XXYLT1: variants seen among roughly 807,000 people sequenced by gnomAD.
XXYLT1 encodes xyloside xylosyltransferase 1, also known as UDP-xylose:alpha-xyloside alpha-1,3-xylosyltransferase.
In XXYLT1, 20 loss-of-function variants were observed where a neutral mutation model predicts 28.9. The ratio of observed to expected loss-of-function variants is 0.69; its 90% CI spans 0.49 to 1.00. The LOEUF is 1.00. Ranked by LOEUF, XXYLT1 falls within the 50% of genes least tolerant of loss-of-function variation. The pLI, the probability that XXYLT1 is intolerant of heterozygous loss-of-function variation, is 0.00. For synonymous variants in XXYLT1, 257 were observed against 253.8 expected (o/e 1.01, Z -0.12); for missense variants, 542 against 560.1 (o/e 0.97, Z 0.33).
Position 195,180,464 on chromosome 3 carries a change from A to G in XXYLT1, c.653-23883T>C. 1.0e-6 allele frequency: 1 copy of G among 985,542 alleles called. No individual in the cohort carries two copies. Among genetic ancestry groups the G allele is most frequent in the Non-Finnish European group, 1.2e-6 (1 of 830,010 alleles). 61.0% of individuals were successfully genotyped at this position (985,542 alleles called of 1,614,324 possible). ...TTCTCATTTCATGAACTTCTTTTGA[A>G]CAATTTCCTGTTCCTTTTTCTTTCT... On this transcript the variant is annotated intron_variant, in intron 2 of 3. Transcript: ENST00000310380. This position sits in a 1 kb window ranked among gnomAD's most constrained non-coding sequence, Gnocchi z 5.8.
At chr3:195,174,815 C>CT (rs1721581257) in intron 2 of XXYLT1, among the ~76,000 whole-genome samples, 1 of 151,586 alleles carries the variant, frequency 6.6e-6, no homozygotes, top group Non-Finnish European at 1.5e-5. Context: ...TTGGGTCCCA[C>CT]TATGTTGCCT....
At chr3:195,189,039 C>T (rs887448759) in intron 2 of XXYLT1, among the ~76,000 whole-genome samples, 1 of 152,084 alleles carries the variant, frequency 6.6e-6, no homozygotes, top group Non-Finnish European at 1.5e-5. Context: ...CCATTGAGCA[C>T]TTACTATGTG....
In XXYLT1 at chr3:195,210,613, G is replaced by A. The variant is rs77829893; in HGVS notation, c.652+16096C>T. Among the ~76,000 whole-genome samples, 6,608 of 152,312 alleles carry A rather than the reference G, an allele frequency of 0.043. 456 individuals carry two copies. The highest frequency in any genetic ancestry group is 0.15 in the African/African-American group (6,210 of 41,554). On this transcript the variant is annotated intron_variant, in intron 2 of 3. Transcript: ENST00000310380. This position sits in a 1 kb window ranked among gnomAD's most constrained non-coding sequence, Gnocchi z 4.8. Reference sequence around the variant, plus strand: ...TTTGGCAACTATTTTCATTAGCTTAGAAAGAGCTTCTGGCATTAAATTAGT... The same window carrying A: ...TTTGGCAACTATTTTCATTAGCTTAAAAAGAGCTTCTGGCATTAAATTAGT...
chr3:195,097,999 G>C (rs998413963), intron 3 of XXYLT1, among the ~76,000 whole-genome samples: 2 of 152,104 alleles, frequency 1.3e-5, no homozygotes, highest in African/African-American at 2.4e-5. Flanking sequence ...GGGGCGGGTC[G>C]GGAGGGGAAC....
intron 3 of XXYLT1, among the ~76,000 whole-genome samples, chr3:195,142,350 C>T (rs78064396): frequency 0.017 from 2,530 of 152,288 alleles, 69 homozygotes; most frequent in African/African-American, 0.057. Context: ...ATGGAGTCTT[C>T]GGTGGCAGGG....
chr3:195,144,203 C>A (rs1719711601), intron 3 of XXYLT1, among the ~76,000 whole-genome samples: 1 of 150,038 alleles, frequency 6.7e-6, no homozygotes, highest in South Asian at 2.2e-4. Flanking sequence ...CAACCGCCCA[C>A]TCCACTCCAT....
Position 195,195,193 on chromosome 3 carries a change from A to G in XXYLT1, c.652+31516T>C, listed in dbSNP as rs922551688. On this transcript the variant is annotated intron_variant, in intron 2 of 3. Transcript: ENST00000310380. The surrounding 1 kb of genome is among the most constrained non-coding windows in gnomAD (Gnocchi z 4.4). ...TATGGAGGGCCACTGAGAACCCTCC[A>G]GTGATAAAGCTGGCTACCGTTCTCA... Among the ~76,000 whole-genome samples the G allele has an allele frequency of 4.6e-5, 7 of 152,374 alleles. No individual in the cohort carries two copies. The highest frequency in any genetic ancestry group is 1.7e-4 in the African/African-American group (7 of 41,590).
At chr3:195,186,332 C>A (rs1722195396) in intron 2 of XXYLT1, among the ~76,000 whole-genome samples, 1 of 152,178 alleles carries the variant, frequency 6.6e-6, no homozygotes, top group South Asian at 2.1e-4. Flanking sequence ...CCATATTACT[C>A]CATTGGTTAA....
At chr3:195,211,376 G>C (rs533958586) in intron 2 of XXYLT1, among the ~76,000 whole-genome samples, 1 of 152,316 alleles carries the variant, frequency 6.6e-6, no homozygotes, top group Middle Eastern at 3.4e-3. Context: ...CTGGGTGACA[G>C]AGCAAGACTC....
intron 1 of XXYLT1, among the ~76,000 whole-genome samples, chr3:195,239,257 C>A (rs181316743): frequency 1.9e-3 from 288 of 152,320 alleles, no homozygotes; most frequent in African/African-American, 6.8e-3. Flanking sequence ...GCAAACTAAC[C>A]TTCCCAAGGA....
At chr3:195,086,936 C>A (rs778955478) in intron 3 of XXYLT1, among the ~76,000 whole-genome samples, 7 of 152,142 alleles carry the variant, frequency 4.6e-5, no homozygotes, top group Non-Finnish European at 1.0e-4. Context: ...CATGATGACA[C>A]TGGCCAGGCC....
intron 3 of XXYLT1, among the ~76,000 whole-genome samples, chr3:195,098,642 G>A (rs370350298): frequency 6.6e-6 from 1 of 152,256 alleles, no homozygotes; most frequent in Non-Finnish European, 1.5e-5. Context: ...AGGAGGTGAA[G>A]CCACGGGCCT....
intron 3 of XXYLT1, among the ~76,000 whole-genome samples, chr3:195,073,671 G>A (rs1714955303): frequency 6.6e-6 from 1 of 152,078 alleles, no homozygotes; most frequent in South Asian, 2.1e-4. Context: ...ACAGTCCCTG[G>A]TAAATATTGG....
chr3:195,150,724 C>T lies in XXYLT1; in HGVS notation c.785+5725G>A, dbSNP rs915992451. The stretch of plus-strand genomic sequence containing the variant: ...AGCTCCCATTCAGAGGATCCTCAGG[C>T]GGCCAGCTCCACAAAGTGACCATAA... On this transcript the variant is annotated intron_variant, in intron 3 of 3. Transcript: ENST00000310380. This position sits in a 1 kb window ranked among gnomAD's most constrained non-coding sequence, Gnocchi z 4.7. Among the ~76,000 whole-genome samples the T allele has an allele frequency of 1.6e-4, 25 of 152,206 alleles. No homozygotes were observed. Among genetic ancestry groups the T allele is most frequent in the Non-Finnish European group, 4.4e-5 (3 of 68,004 alleles).
intron 3 of XXYLT1, chr3:195,095,222 G>A (rs1461701983): frequency 6.5e-6 from 1 of 152,866 alleles, no homozygotes; most frequent in Non-Finnish European, 1.5e-5. Context: ...GTAATGCAGT[G>A]TCTGGCTGTC....
intron 2 of XXYLT1, among the ~76,000 whole-genome samples, chr3:195,182,576 C>T (rs937979291): frequency 2.6e-5 from 4 of 152,156 alleles, no homozygotes; most frequent in Admixed American, 6.5e-5. Context: ...TAAACAGCTC[C>T]GTGGAGGAGG....
At chr3:195,136,491 T>C (rs1420144518) in intron 3 of XXYLT1, among the ~76,000 whole-genome samples, 1 of 152,192 alleles carries the variant, frequency 6.6e-6, no homozygotes, top group East Asian at 1.9e-4. Flanking sequence ...GGCAGGGGAC[T>C]GAGCCCAGGA....
At position 195,255,294 on chromosome 3, in the gene XXYLT1, G is replaced by A. The variant is rs553334453; in HGVS notation, c.504+15261C>T. Among the ~76,000 whole-genome samples, 19 of 152,350 alleles carry A rather than the reference G, an allele frequency of 1.2e-4. No individual in the cohort carries two copies. The highest frequency in any genetic ancestry group is 3.6e-4 in the African/African-American group (15 of 41,584). On this transcript the variant is annotated intron_variant, in intron 1 of 3. Transcript: ENST00000310380. This position sits in a 1 kb window ranked among gnomAD's most constrained non-coding sequence, Gnocchi z 4.5. ...GCAGGACTGGGGCTGCAGGAGTGCA[G>A]AGCCAGGTGGGAGACAGCAGCGGGG... is the stretch of plus-strand genomic sequence containing the variant.
chr3:195,088,509 A>C lies in XXYLT1; in HGVS notation c.786-18398T>G, dbSNP rs796715463. 7.4e-5 allele frequency among the ~76,000 whole-genome samples: 10 copies of C among 134,428 alleles called. 1 individual carries two copies. The East Asian group carries it at 2.1e-3, about 28-fold the overall frequency. The allele number at this position is 134,428 out of a possible 152,430, so 88.2% of individuals were successfully genotyped here. A position where few individuals can be genotyped will look rare whatever the true frequency, so the allele number is the denominator to read the frequency against. ...ACTAACAAACAGAAAGGACATCCAC[A>C]CCAAAAACCCATCTGTACATCACCA... On this transcript the variant is annotated intron_variant, in intron 3 of 3. Coordinates refer to ENST00000310380, the MANE Select transcript of XXYLT1 (RefSeq NM_152531.5).
Sources: gnomAD v4.1 joint callset for allele counts (sites outside exome capture counted in the v4.1 genomes callset) on GRCh38, gnomAD v4.1.1 for gene constraint, Gnocchi (gnomAD v3.1) non-coding constraint, MANE v1.5 for transcripts, NCBI Gene and HGNC (gene_info 2026-07-23, HGNC 2026-07-21) for gene names.